The following STIM2 variants were observed in gnomAD, a reference collection of about 807,000 sequenced individuals.
STIM2 encodes the protein stromal interaction molecule 2.
A neutral mutation model predicts 85.8 loss-of-function variants in STIM2; 31 were observed. The observed-to-expected ratio is 0.36, with a 90% CI of 0.27 to 0.49. The LOEUF (loss-of-function observed/expected upper bound fraction) is 0.49, where lower values mean the gene tolerates loss of function less well. STIM2 is among the 20% of genes least tolerant of loss of function. The probability of loss-of-function intolerance (pLI) is 0.98; values close to 1 mark genes in which losing one functional copy is unlikely to be tolerated. For missense variants in STIM2, 841 were observed against 927.6 expected (o/e 0.91, Z 1.21); for synonymous variants, 356 against 331.1 (o/e 1.08, Z -0.82).
chr4:27,007,395 C>A, intron 7 of STIM2, 138 bp from the exon 8 acceptor site: 1 of 491,582 alleles, frequency 2.0e-6, no homozygotes, highest in Non-Finnish European at 3.3e-6. Context: ...TGTATTTAGA[C>A]TTTGCAGTTT....
chr4:26,927,857 AT>A, intron 2 of STIM2, among the ~76,000 whole-genome samples: 1 of 135,112 alleles, frequency 7.4e-6, no homozygotes, highest in East Asian at 2.0e-4. Context: ...TTAATATATA[AT>A]TATTATATAA....
intron 10 of STIM2, among the ~76,000 whole-genome samples, chr4:27,012,936 T>C (rs1339006352): frequency 6.6e-6 from 1 of 152,102 alleles, no homozygotes. Context: ...TTTATTCTGC[T>C]GAATTTTAAT....
intron 1 of STIM2, among the ~76,000 whole-genome samples, chr4:26,881,095 A>G (rs1301647183): frequency 2.6e-5 from 4 of 152,166 alleles, no homozygotes; most frequent in African/African-American, 9.7e-5. Context: ...TGGTGGTACT[A>G]AGAGTTATAG....
intron 2 of STIM2, among the ~76,000 whole-genome samples, chr4:26,938,783 G>C (rs1016934059): frequency 3.9e-5 from 6 of 152,160 alleles, no homozygotes; most frequent in African/African-American, 1.4e-4. Flanking sequence ...TTATAGATAA[G>C]GAGACAGAGG....
Position 26,952,482 on chromosome 4 carries a change from A to G in STIM2, c.283-5130A>G, listed in dbSNP as rs75226328. ...AAATAGTTGACATTGAGTGTCGACTATGTACCAAGCACTTTTTTTTTGCAC... is the reference window on the plus strand; with the variant it reads ...AAATAGTTGACATTGAGTGTCGACTGTGTACCAAGCACTTTTTTTTTGCAC... On this transcript the variant is annotated intron_variant, in intron 2 of 11. Coordinates refer to ENST00000467087, the MANE Select transcript of STIM2 (RefSeq NM_020860.4). Among the ~76,000 whole-genome samples the G allele has an allele frequency of 4.2e-3, 632 of 152,280 alleles. 6 individuals are homozygous for G. Among genetic ancestry groups the G allele is most frequent in the African/African-American group, 0.014 (577 of 41,574 alleles).
intron 3 of STIM2, among the ~76,000 whole-genome samples, chr4:26,960,908 A>C (rs896311325): frequency 6.6e-6 from 1 of 152,204 alleles, no homozygotes; most frequent in African/African-American, 2.4e-5. Flanking sequence ...TACTAAAAAT[A>C]CAAAAATTAA....
At chr4:26,902,336 A>G (rs1177022664) in intron 1 of STIM2, among the ~76,000 whole-genome samples, 2 of 152,190 alleles carry the variant, frequency 1.3e-5, no homozygotes, top group Non-Finnish European at 2.9e-5. Flanking sequence ...AGAAATAGTA[A>G]GAGCCAAATG....
At chr4:26,915,010 G>C (rs1035996368) in intron 1 of STIM2, among the ~76,000 whole-genome samples, 2 of 152,064 alleles carry the variant, frequency 1.3e-5, no homozygotes, top group Non-Finnish European at 2.9e-5. Context: ...ATTTATGTTC[G>C]TTATACTGAC....
intron 2 of STIM2, among the ~76,000 whole-genome samples, chr4:26,946,594 C>A (rs753730469): frequency 4.6e-5 from 7 of 152,248 alleles, no homozygotes; most frequent in Non-Finnish European, 8.8e-5. Flanking sequence ...ACATGTATGT[C>A]CACATGCTCC....
At chr4:26,994,130 A>C (rs1476822730) in intron 3 of STIM2, among the ~76,000 whole-genome samples, 1 of 152,076 alleles carries the variant, frequency 6.6e-6, no homozygotes, top group Non-Finnish European at 1.5e-5. Flanking sequence ...ACTTCCCACC[A>C]ATACCTCTGT....
chr4:26,925,714 G>A (rs1330396778), intron 2 of STIM2, among the ~76,000 whole-genome samples: 1 of 70,108 alleles, frequency 1.4e-5, no homozygotes, highest in Non-Finnish European at 2.3e-5. Context: ...AGGGTATTCA[G>A]TTAGGAAAAG....
At position 26,925,714 on chromosome 4, in the gene STIM2, G is replaced by T. The variant is rs1330396778; in HGVS notation, c.282+6080G>T. ...AGGAGAAGGAAAAAAAGGGTATTCA[G>T]TTAGGAAAAGAGGAAGTCAAATTGT... On this transcript the variant is annotated intron_variant, in intron 2 of 11. Coordinates refer to ENST00000467087, the MANE Select transcript of STIM2 (RefSeq NM_020860.4). Among the ~76,000 whole-genome samples the T allele has an allele frequency of 2.9e-5, 2 of 70,086 alleles. 1 individual carries two copies. The allele number at this position is 70,086 out of a possible 152,430, so 46.0% of individuals were successfully genotyped here.
rs1273947437 is a variant in STIM2, at chr4:27,023,421, T to C, written c.*425T>C. ...ACAGAGCTATTTACATCCTGGACTA[T>C]ATAACTTAAAAGAAGTAAAACGTAA... On this transcript the variant is annotated 3_prime_UTR_variant, in exon 12 of 12. Coordinates refer to ENST00000467087, the MANE Select transcript of STIM2 (RefSeq NM_020860.4). The C allele has an allele frequency of 6.0e-6, 1 of 165,420 alleles. No homozygotes were observed. Among genetic ancestry groups the C allele is most frequent in the Non-Finnish European group, 1.3e-5 (1 of 75,244 alleles). 10.2% of individuals were successfully genotyped at this position (165,420 alleles called of 1,614,324 possible). A position where few individuals can be genotyped will look rare whatever the true frequency, so the allele number is the denominator to read the frequency against.
intron 4 of STIM2, 127 bp from the exon 5 acceptor site, chr4:26,999,105 A>T (rs1022782032): frequency 9.2e-6 from 3 of 326,966 alleles, no homozygotes; most frequent in Non-Finnish European, 1.6e-5. Flanking sequence ...CACATGGATG[A>T]GCTCCAACAG....
intron 1 of STIM2, among the ~76,000 whole-genome samples, chr4:26,878,885 CCTCA>C: frequency 6.6e-6 from 1 of 152,174 alleles, no homozygotes; most frequent in East Asian, 1.9e-4. Flanking sequence ...ATGAGAACTC[CCTCA>C]CTATCATGAG....
chr4:26,984,864 C>T (rs1396654606), intron 3 of STIM2, among the ~76,000 whole-genome samples: 2 of 152,200 alleles, frequency 1.3e-5, no homozygotes, highest in Non-Finnish European at 2.9e-5. Flanking sequence ...AATGTTCAAA[C>T]ATTTGCCAGC....
At chr4:26,927,828 T>C (rs1725025641) in intron 2 of STIM2, among the ~76,000 whole-genome samples, 1 of 145,706 alleles carries the variant, frequency 6.9e-6, no homozygotes, top group Non-Finnish European at 1.5e-5. Context: ...TAAAAATATG[T>C]AATTATATAA....
chr4:26,981,278 A>G (rs947974907), intron 3 of STIM2, among the ~76,000 whole-genome samples: 1 of 152,182 alleles, frequency 6.6e-6, no homozygotes, highest in Non-Finnish European at 1.5e-5. Context: ...GTCAACAAGT[A>G]TATAGAGTTT....
intron 2 of STIM2, among the ~76,000 whole-genome samples, chr4:26,942,214 A>T (rs1015749971): frequency 6.6e-6 from 1 of 152,074 alleles, no homozygotes. Flanking sequence ...ACTACTGTGG[A>T]TTCACTGTCT....
Sources: gnomAD v4.1 joint callset for allele counts (sites outside exome capture counted in the v4.1 genomes callset) on GRCh38, gnomAD v4.1.1 for gene constraint, MANE v1.5 for transcripts, NCBI Gene and HGNC (gene_info 2026-07-23, HGNC 2026-07-21) for gene names.